GRB7: variants seen among roughly 807,000 people sequenced by gnomAD.
GRB7 encodes growth factor receptor-bound protein 7.
GRB7 carries 47 observed loss-of-function variants against 64.1 expected under a neutral mutation model. That is an observed-to-expected ratio of 0.73 (90% confidence interval 0.58 to 0.94). The LOEUF (loss-of-function observed/expected upper bound fraction) is 0.94. GRB7 is among the 40% of genes least tolerant of loss of function. The pLI, the probability that GRB7 is intolerant of heterozygous loss-of-function variation, is 0.00. For synonymous variants in GRB7, 277 were observed against 279.9 expected (o/e 0.99, Z 0.10); for missense variants, 634 against 718.4 (o/e 0.88, Z 1.34).
chr17:39,740,110 C>G (rs2059982502), intron 1 of GRB7: 1 of 985,588 alleles, frequency 1.0e-6, no homozygotes, highest in Non-Finnish European at 1.2e-6. Context: ...TCTGTGATTT[C>G]GAGGCAGGCG....
intron 10 of GRB7, 31 bp downstream of exon 10, chr17:39,745,354 G>C (rs1332768892): frequency 1.2e-6 from 2 of 1,603,282 alleles, no homozygotes; most frequent in Non-Finnish European, 1.7e-6. Flanking sequence ...GGGAGGGTGG[G>C]TATGCAGGCC....
In GRB7 at chr17:39,745,945, C is replaced by T. The variant is rs771056862; in HGVS notation, c.1303C>T (p.Arg435Cys). The change falls in exon 13 of 15, where the codon CGC becomes TGC. Residue 435 changes from arginine to cysteine, a missense_variant. Coordinates refer to ENST00000309156, the MANE Select transcript of GRB7 (RefSeq NM_005310.5). ...CCGCACCCAACTCTGGTTCCACGGG[C>T]GCATTTCCCGTGAGGAGAGCCAGCG... Reference protein sequence around the residue: ...IHRTQLWFHGRISREESQRLI... With the variant: ...IHRTQLWFHGCISREESQRLI... The T allele has an allele frequency of 1.3e-5, 21 of 1,613,966 alleles. No homozygotes were observed. Among genetic ancestry groups the T allele is most frequent in the Middle Eastern group, 1.6e-4 (1 of 6,084 alleles).
At position 39,744,698 on chromosome 17, in the gene GRB7, G is replaced by C. The variant is rs112162392; in HGVS notation, c.912+35G>C. ...TGGCCAGGCCTGGCCCCTGGCCTGG[G>C]GAAGCAGGAACTGCTCAGGCCCCTG... On this transcript the variant is annotated intron_variant, in intron 8 of 14. Transcript: ENST00000309156. 1.5e-5 allele frequency: 23 copies of C among 1,545,976 alleles called. 1 individual carries two copies. The African/African-American group carries it at 1.9e-4, about 13-fold the overall frequency.
intron 11 of GRB7, 92 bp from the exon 12 acceptor site, chr17:39,745,636 C>T: frequency 6.4e-7 from 1 of 1,568,634 alleles, no homozygotes; most frequent in Admixed American, 1.7e-5. Context: ...GGGGGAGGCC[C>T]CTGGCTGGGA....
At chr17:39,745,577 C>G (rs1416298807) in intron 11 of GRB7, 39 bp downstream of exon 11, 1 of 1,583,640 alleles carries the variant, frequency 6.3e-7, no homozygotes, top group Admixed American at 1.7e-5. Context: ...GTGCTGGGGA[C>G]CCACTCTCTG....
chr17:39,740,190 G>C (rs1373457422), intron 1 of GRB7: 1 of 984,372 alleles, frequency 1.0e-6, no homozygotes, highest in African/African-American at 1.7e-5. Flanking sequence ...AGGTTAGACT[G>C]GGGTGGGAGT....
intron 8 of GRB7, 84 bp downstream of exon 8, chr17:39,744,747 C>A (rs143287745): frequency 7.3e-7 from 1 of 1,362,500 alleles, no homozygotes; most frequent in East Asian, 2.5e-5. Flanking sequence ...GCTTCTGAGC[C>A]CCAATTCAGA....
rs369252029 is a variant in GRB7, at chr17:39,745,227, C to G, written c.1012-16C>G. The G allele has an allele frequency of 2.5e-6, 4 of 1,576,832 alleles. No homozygotes were observed. In the African/African-American group the frequency reaches 5.4e-5, roughly 21 times the overall value. ...GACCTCTCGACCTCAAGCTCTCTTT[C>G]TCTCCCCACCCCCAGTACGGGGTGC... On this transcript the variant is annotated splice_polypyrimidine_tract_variant and intron_variant, in intron 9 of 14. Transcript: ENST00000309156.
chr17:39,746,626 AAAAG>A (rs1390202789), intron 14 of GRB7, 121 bp from the exon 15 acceptor site: 28 of 1,279,586 alleles, frequency 2.2e-5, no homozygotes, highest in Admixed American at 1.6e-4. Flanking sequence ...CAAAAAAAAA[AAAAG>A]AAAGAAAAAG....
chr17:39,743,318 T>C lies in GRB7; in HGVS notation c.585+17T>C, dbSNP rs1202000640. On this transcript the variant is annotated intron_variant, in intron 5 of 14. Coordinates refer to ENST00000309156, the MANE Select transcript of GRB7 (RefSeq NM_005310.5). ...AGCTCCCCAGTGAGTGCATGAGGGC[T>C]GTCTGGGCGCTGGGATGCCCTGATC... The C allele has an allele frequency of 3.1e-6, 5 of 1,614,200 alleles. No homozygotes were observed. The highest frequency in any genetic ancestry group is 4.2e-6 in the Non-Finnish European group (5 of 1,180,018).
chr17:39,745,677 T>C (rs1424138794), intron 11 of GRB7, 51 bp from the exon 12 acceptor site: 1 of 1,584,124 alleles, frequency 6.3e-7, no homozygotes, highest in African/African-American at 1.3e-5. Flanking sequence ...AGGTGCTGGG[T>C]AATGCCCCCA....
intron 6 of GRB7, chr17:39,743,757 T>C: frequency 2.0e-6 from 1 of 498,946 alleles, no homozygotes; most frequent in Non-Finnish European, 3.5e-6. Flanking sequence ...GGAGGATTAC[T>C]TAAGCCTAGA....
At chr17:39,744,428 G>T in intron 7 of GRB7, 125 bp from the exon 8 acceptor site, 1 of 860,500 alleles carries the variant, frequency 1.2e-6, no homozygotes. Flanking sequence ...ACTTCTATTT[G>T]CTGTGTGACC....
chr17:39,744,881 T>C lies in GRB7; in HGVS notation c.913-5T>C. The C allele has an allele frequency of 6.2e-7, 1 of 1,612,992 alleles. No homozygotes were observed. The highest frequency in any genetic ancestry group is 8.5e-7 in the Non-Finnish European group (1 of 1,178,958). On this transcript the variant is annotated splice_region_variant and splice_polypyrimidine_tract_variant and intron_variant, in intron 8 of 14. Coordinates refer to ENST00000309156, the MANE Select transcript of GRB7 (RefSeq NM_005310.5). ...ATGGGACCAGTCAATTTCCTCTCTC[T>C]GCAGCCCAACAAGCTTCGAAATGGC...
chr17:39,746,701 C>T (rs1270816804), intron 14 of GRB7, 50 bp from the exon 15 acceptor site: 1 of 1,594,432 alleles, frequency 6.3e-7, no homozygotes, highest in Non-Finnish European at 8.6e-7. Flanking sequence ...AGGGAGCTTC[C>T]CAAGCCTCGG....
chr17:39,743,568 A>G lies in GRB7; in HGVS notation c.663+98A>G, dbSNP rs1312824287. 5 of 953,264 alleles carry G rather than the reference A, an allele frequency of 5.2e-6. No homozygotes were observed. The African/African-American group carries it at 8.0e-5, about 15-fold the overall frequency. The allele number at this position is 953,264 out of a possible 1,614,324, so 59.1% of individuals were successfully genotyped here. A position where few individuals can be genotyped will look rare whatever the true frequency, so the allele number is the denominator to read the frequency against. Reference sequence around the variant, plus strand: ...CCTGTGCCTCCCCTCTATGTTGTAGAAAGAGCCAAATCACAGTCCTGTGTG... The same window carrying G: ...CCTGTGCCTCCCCTCTATGTTGTAGGAAGAGCCAAATCACAGTCCTGTGTG... On this transcript the variant is annotated intron_variant, in intron 6 of 14. Coordinates refer to ENST00000309156, the MANE Select transcript of GRB7 (RefSeq NM_005310.5).
chr17:39,745,453 T>C lies in GRB7; in HGVS notation c.1124T>C (p.Met375Thr), dbSNP rs765668140. 2 of 1,614,064 alleles carry C rather than the reference T, an allele frequency of 1.2e-6. No homozygotes were observed. Among genetic ancestry groups the C allele is most frequent in the Admixed American group, 1.7e-5 (1 of 60,022 alleles). ...RSASDNTLVAMDFSGHAGRVI... is the reference protein window; with the variant it reads ...RSASDNTLVATDFSGHAGRVI... Reference sequence around the variant, plus strand: ...GCCTCAGATAATACCCTGGTGGCCATGGACTTCTCTGGCCATGCTGGGCGT... The same window carrying C: ...GCCTCAGATAATACCCTGGTGGCCACGGACTTCTCTGGCCATGCTGGGCGT... The change falls in exon 11 of 15, where the codon ATG (methionine) becomes ACG (threonine). Residue 375 changes from methionine (M) to threonine (T), a missense_variant. Physicochemically the swap from Met to Thr is moderately conservative, Grantham distance 81. This residue lies in a region of GRB7 where 467 missense variants were observed against 576.6 expected (regional missense o/e 0.81). Coordinates refer to ENST00000309156, the MANE Select transcript of GRB7 (RefSeq NM_005310.5).
At chr17:39,745,637 C>T in intron 11 of GRB7, 91 bp from the exon 12 acceptor site, 1 of 1,569,880 alleles carries the variant, frequency 6.4e-7, no homozygotes, top group Non-Finnish European at 8.7e-7. Flanking sequence ...GGGGAGGCCC[C>T]TGGCTGGGAA....
intron 9 of GRB7, 53 bp from the exon 10 acceptor site, chr17:39,745,190 C>A: frequency 7.0e-7 from 1 of 1,434,062 alleles, no homozygotes; most frequent in Non-Finnish European, 9.6e-7. Flanking sequence ...GGCGTCACAG[C>A]CACGCCCCCA....
Sources: allele counts gnomAD v4.1 joint callset, GRCh38; gene constraint gnomAD v4.1.1; regional missense constraint gnomAD v4.1.1; transcripts MANE v1.5; gene names NCBI Gene and HGNC (gene_info 2026-07-23, HGNC 2026-07-21).